The following SYT14 variants were observed in gnomAD, a reference collection of about 807,000 sequenced individuals.
The protein encoded by SYT14 is synaptotagmin 14.
Under a neutral mutation model 74.2 loss-of-function variants are expected in SYT14, and 32 were observed. The ratio of observed to expected loss-of-function variants is 0.43; its 90% CI spans 0.33 to 0.58. The LOEUF (loss-of-function observed/expected upper bound fraction) is 0.58, where lower values mean the gene tolerates loss of function less well. Ranked by LOEUF, SYT14 falls within the 20% of genes least tolerant of loss-of-function variation. The pLI, the probability that SYT14 is intolerant of heterozygous loss-of-function variation, is 0.05. For synonymous variants in SYT14, 298 were observed against 337.7 expected, an observed-to-expected ratio of 0.88 and a Z score of 1.29; for missense variants, 791 against 981.8, an observed-to-expected ratio of 0.81 and a Z score of 2.60.
At chr1:209,967,058 A>G (rs908230852) in intron 2 of SYT14, among the ~76,000 whole-genome samples, 8 of 152,282 alleles carry the variant, frequency 5.3e-5, no homozygotes, top group African/African-American at 1.9e-4. Flanking sequence ...TTCCCAAGAA[A>G]ATGCTTTTTC....
At chr1:210,147,041 A>G (rs558801217) in intron 7 of SYT14, among the ~76,000 whole-genome samples, 34 of 152,222 alleles carry the variant, frequency 2.2e-4, no homozygotes, top group African/African-American at 7.9e-4. Context: ...GAATTGGTCC[A>G]CCATGAATGA....
chr1:210,055,804 C>A (rs1324779813), intron 5 of SYT14, among the ~76,000 whole-genome samples: 2 of 151,710 alleles, frequency 1.3e-5, no homozygotes, highest in Non-Finnish European at 2.9e-5. Context: ...GATTGTCTCC[C>A]ATATAAAAAG....
chr1:210,090,858 AAGG>A (rs768207891), intron 5 of SYT14, among the ~76,000 whole-genome samples: 1 of 152,160 alleles, frequency 6.6e-6, no homozygotes, highest in Admixed American at 6.5e-5. Flanking sequence ...AACATTTAAA[AAGG>A]AGGGATCTTC....
At chr1:210,130,360 G>GA (rs373504141) in intron 7 of SYT14, among the ~76,000 whole-genome samples, 118 of 151,872 alleles carry the variant, frequency 7.8e-4, no homozygotes, top group African/African-American at 2.8e-3. Flanking sequence ...ATGACCATGA[G>GA]AAAAAAAATG....
chr1:209,956,828 A>G (rs964448739), intron 2 of SYT14, among the ~76,000 whole-genome samples: 2 of 152,122 alleles, frequency 1.3e-5, no homozygotes, highest in Admixed American at 1.3e-4. Context: ...AGAAGGGGAA[A>G]TTCATATGGA....
At chr1:210,151,508 C>CT (rs1301478862) in intron 7 of SYT14, among the ~76,000 whole-genome samples, 2 of 134,952 alleles carry the variant, frequency 1.5e-5, no homozygotes, top group Admixed American at 1.4e-4. Context: ...GCGAATGCCC[C>CT]CCCCCTTTTT....
chr1:209,948,083 G>A lies in SYT14; in HGVS notation c.-533-4626G>A, dbSNP rs149569897. Reference sequence around the variant, plus strand: ...GTAAACATAACTTTTGTATGCACTGGGAATCCAAAAAGTTTATGTGACTTG... The same window carrying A: ...GTAAACATAACTTTTGTATGCACTGAGAATCCAAAAAGTTTATGTGACTTG... On this transcript the variant is annotated intron_variant, in intron 1 of 9. Transcript: ENST00000637265. 6.6e-5 allele frequency among the ~76,000 whole-genome samples: 10 copies of A among 152,198 alleles called. No homozygotes were observed. In the South Asian group the frequency reaches 1.7e-3, roughly 25 times the overall value.
At chr1:210,061,524 A>G (rs2081207551) in intron 5 of SYT14, among the ~76,000 whole-genome samples, 2 of 151,880 alleles carry the variant, frequency 1.3e-5, no homozygotes, top group Non-Finnish European at 2.9e-5. Flanking sequence ...AAATATCCAC[A>G]GTAAAGGTGA....
chr1:209,978,927 G>A (rs1458213010), intron 2 of SYT14, among the ~76,000 whole-genome samples: 1 of 152,096 alleles, frequency 6.6e-6, no homozygotes, highest in African/African-American at 2.4e-5. Context: ...CCCCAGCCTC[G>A]CTGCCGCCTT....
chr1:210,153,562 T>G (rs575023319), intron 7 of SYT14, among the ~76,000 whole-genome samples: 4 of 152,204 alleles, frequency 2.6e-5, no homozygotes, highest in Non-Finnish European at 5.9e-5. Flanking sequence ...TTAATAAATT[T>G]TATTTTCTGT....
chr1:210,141,122 G>T (rs1412388089), intron 7 of SYT14, among the ~76,000 whole-genome samples: 1 of 150,576 alleles, frequency 6.6e-6, no homozygotes, highest in Non-Finnish European at 1.5e-5. Flanking sequence ...CGTACTTTGG[G>T]CTACATTACT....
chr1:210,153,084 G>A lies in SYT14; in HGVS notation c.2035-2637G>A, dbSNP rs900866134. Among the ~76,000 whole-genome samples the A allele has an allele frequency of 2.0e-5, 3 of 152,050 alleles. 1 individual carries two copies. On this transcript the variant is annotated intron_variant, in intron 7 of 9. Transcript: ENST00000637265. Reference sequence around the variant, plus strand: ...TGCTGCTATGGACATTCTTTCATATGTCTCTTGATAAACACTGCACTTATT... The same window carrying A: ...TGCTGCTATGGACATTCTTTCATATATCTCTTGATAAACACTGCACTTATT...
At chr1:210,051,308 AG>A (rs1558154725) in intron 5 of SYT14, among the ~76,000 whole-genome samples, 2 of 152,200 alleles carry the variant, frequency 1.3e-5, no homozygotes, top group Non-Finnish European at 2.9e-5. Context: ...AAGGTTGTAC[AG>A]TATACTGTGT....
At chr1:210,047,546 T>G (rs2080909294) in intron 5 of SYT14, among the ~76,000 whole-genome samples, 1 of 152,050 alleles carries the variant, frequency 6.6e-6, no homozygotes, top group Admixed American at 6.6e-5. Flanking sequence ...TACAGGCACC[T>G]GCCACCACAC....
At chr1:210,138,028 A>C (rs567142376) in intron 7 of SYT14, among the ~76,000 whole-genome samples, 2 of 152,290 alleles carry the variant, frequency 1.3e-5, no homozygotes, top group Admixed American at 1.3e-4. Flanking sequence ...AATCAACATA[A>C]ACACATGCTG....
intron 7 of SYT14, among the ~76,000 whole-genome samples, chr1:210,121,182 TTAGTCCATG>T (rs1385990044): frequency 1.3e-5 from 2 of 152,158 alleles, no homozygotes; most frequent in Non-Finnish European, 2.9e-5. Context: ...ATTAAAGGAG[TTAGTCCATG>T]TAGAGTCCTT....
intron 2 of SYT14, among the ~76,000 whole-genome samples, chr1:209,973,034 G>T (rs558005348): frequency 1.3e-5 from 2 of 152,170 alleles, no homozygotes; most frequent in South Asian, 4.2e-4. Flanking sequence ...CTCAGTGTTG[G>T]GTGTGTATGT....
At chr1:210,146,290 G>T (rs1267067087) in intron 7 of SYT14, among the ~76,000 whole-genome samples, 2 of 152,180 alleles carry the variant, frequency 1.3e-5, no homozygotes, top group South Asian at 4.2e-4. Flanking sequence ...GTGAGATCAC[G>T]CCACTGCGCT....
At chr1:210,155,103 G>A (rs2083241406) in intron 7 of SYT14, among the ~76,000 whole-genome samples, 1 of 152,012 alleles carries the variant, frequency 6.6e-6, no homozygotes, top group South Asian at 2.1e-4. Flanking sequence ...ATCCAAATTT[G>A]GGATTATTTT....
Sources: allele counts gnomAD v4.1 joint callset (sites outside exome capture counted in the v4.1 genomes callset), GRCh38; gene constraint gnomAD v4.1.1; transcripts MANE v1.5; gene names NCBI Gene and HGNC (gene_info 2026-07-23, HGNC 2026-07-21).